RPS6KB1: variants seen among roughly 807,000 people sequenced by gnomAD.
RPS6KB1 encodes ribosomal protein S6 kinase B1, also known as ribosomal protein S6 kinase beta-1.
RPS6KB1 carries 12 observed loss-of-function variants against 70.2 expected under a neutral mutation model. That is an observed-to-expected ratio of 0.17 (90% CI 0.11 to 0.28). RPS6KB1 has a LOEUF of 0.28. Ranked by LOEUF, RPS6KB1 falls within the 10% of genes least tolerant of loss-of-function variation. The pLI, the probability that RPS6KB1 is intolerant of heterozygous loss-of-function variation, is 1.00. For synonymous variants in RPS6KB1, 175 were observed against 211.2 expected (o/e 0.83, Z 1.49); for missense variants, 270 against 646.6 (o/e 0.42, Z 6.32).
At chr17:59,916,406 ACTTT>A (rs1181823678) in intron 4 of RPS6KB1, among the ~76,000 whole-genome samples, 2 of 152,166 alleles carry the variant, frequency 1.3e-5, no homozygotes. Context: ...GGCAGTATTA[ACTTT>A]CTTTTATGCG....
In RPS6KB1 at chr17:59,946,127, C is replaced by T. The variant is rs1411095269; in HGVS notation, c.1341-424C>T. ...GGCAGAAGAACAGCAAATGCAAAAA[C>T]CCTGAGGGAGGAGAAAAGTTGCCCT... On this transcript the variant is annotated intron_variant, in intron 14 of 14. Transcript: ENST00000225577. The surrounding 1 kb of genome is among the most constrained non-coding windows in gnomAD (Gnocchi z 4.2). 1.3e-5 allele frequency among the ~76,000 whole-genome samples: 2 copies of T among 151,992 alleles called. No homozygotes were observed. Among genetic ancestry groups the T allele is most frequent in the Non-Finnish European group, 1.5e-5 (1 of 68,004 alleles).
chr17:59,893,352 G>A lies in RPS6KB1; in HGVS notation c.141+27G>A, dbSNP rs1420259854. Reference sequence around the variant, plus strand: ...TGAGGCCCGGGGTCCCCGGGGGCCCGAGGTGACAGGGCCGGGGCGGCGGCG... The same window carrying A: ...TGAGGCCCGGGGTCCCCGGGGGCCCAAGGTGACAGGGCCGGGGCGGCGGCG... On this transcript the variant is annotated intron_variant, in intron 1 of 14. Coordinates refer to ENST00000225577, the MANE Select transcript of RPS6KB1 (RefSeq NM_003161.4). This position sits in a 1 kb window ranked among gnomAD's most constrained non-coding sequence, Gnocchi z 4.1. 1.1e-5 allele frequency: 18 copies of A among 1,580,064 alleles called. No homozygotes were observed. Among genetic ancestry groups the A allele is most frequent in the Non-Finnish European group, 1.5e-5 (18 of 1,163,022 alleles).
intron 4 of RPS6KB1, among the ~76,000 whole-genome samples, chr17:59,915,985 A>G (rs575772025): frequency 1.3e-5 from 2 of 150,044 alleles, no homozygotes; most frequent in Admixed American, 6.6e-5. Flanking sequence ...GGGTTTCTCC[A>G]TGTTGGTTAG....
In RPS6KB1 at chr17:59,893,692, C is replaced by A; in HGVS notation, c.141+367C>A. On this transcript the variant is annotated intron_variant, in intron 1 of 14. Transcript: ENST00000225577. This position sits in a 1 kb window ranked among gnomAD's most constrained non-coding sequence, Gnocchi z 4.1. Reference sequence around the variant, plus strand: ...GCTCTTGCTGGGTGTCCCGTAAGTGCAGGCGAAGTGTGGAGGGTTTCCCTT... The same window carrying A: ...GCTCTTGCTGGGTGTCCCGTAAGTGAAGGCGAAGTGTGGAGGGTTTCCCTT... The A allele has an allele frequency of 1.2e-6, 1 of 802,804 alleles. No individual in the cohort carries two copies. Among genetic ancestry groups the A allele is most frequent in the Non-Finnish European group, 1.5e-6 (1 of 646,616 alleles). The allele number at this position is 802,804 out of a possible 1,614,324, so 49.7% of individuals were successfully genotyped here. A position where few individuals can be genotyped will look rare whatever the true frequency, so the allele number is the denominator to read the frequency against.
intron 5 of RPS6KB1, among the ~76,000 whole-genome samples, chr17:59,928,917 C>T (rs1328423801): frequency 6.6e-6 from 1 of 152,126 alleles, no homozygotes; most frequent in East Asian, 1.9e-4. Context: ...ATTGAAGTGA[C>T]ATTGTGTCCT....
In RPS6KB1 at chr17:59,893,189, G is replaced by A. The variant is rs769786318; in HGVS notation, c.5G>A (p.Arg2Lys). ...GGCTGCGGCGGGTCCGGGCCCATGA[G>A]GCGACGAAGGAGGCGGGACGGCTTT... M[R>K]RRRRRDGFYP... Residue 2 changes from arginine to lysine, a missense_variant, in exon 1 of 15, where the codon AGG becomes AAG. By Grantham distance (26) the Arg-to-Lys change is conservative. Around this residue, in one of 4 missense-constraint regions of RPS6KB1, gnomAD observed 72 missense variants for 93.4 expected, o/e 0.77. Transcript: ENST00000225577. The surrounding 1 kb of genome is among the most constrained non-coding windows in gnomAD (Gnocchi z 4.1). 6.3e-6 allele frequency: 10 copies of A among 1,595,120 alleles called. No homozygotes were observed. Among genetic ancestry groups the A allele is most frequent in the Non-Finnish European group, 8.5e-6 (10 of 1,171,780 alleles).
intron 4 of RPS6KB1, among the ~76,000 whole-genome samples, chr17:59,918,829 C>CTTT (rs35207575): frequency 2.1e-4 from 25 of 119,072 alleles, no homozygotes; most frequent in African/African-American, 3.4e-4. Flanking sequence ...ACTGATTATT[C>CTTT]TTTTTTTTTT....
intron 1 of RPS6KB1, among the ~76,000 whole-genome samples, chr17:59,901,241 C>T (rs1312140999): frequency 2.0e-5 from 3 of 151,246 alleles, no homozygotes; most frequent in African/African-American, 4.8e-5. Flanking sequence ...GCTCCGCCTC[C>T]CAGGTTCACG....
intron 5 of RPS6KB1, among the ~76,000 whole-genome samples, chr17:59,928,118 A>T (rs1171924415): frequency 6.6e-6 from 1 of 151,598 alleles, no homozygotes; most frequent in Non-Finnish European, 1.5e-5. Context: ...AGATCGCGCC[A>T]GTACACTGCA....
At chr17:59,906,302 C>G (rs1490994504) in intron 1 of RPS6KB1, among the ~76,000 whole-genome samples, 2 of 152,102 alleles carry the variant, frequency 1.3e-5, no homozygotes, top group African/African-American at 4.8e-5. Flanking sequence ...TGTCAGTCCT[C>G]CACCTTTGTT....
chr17:59,921,204 A>G (rs1044286363), intron 4 of RPS6KB1, among the ~76,000 whole-genome samples: 4 of 151,912 alleles, frequency 2.6e-5, no homozygotes, highest in Admixed American at 1.3e-4. Context: ...AATTACTGCT[A>G]AGTGTCAGGC....
chr17:59,922,593 G>A (rs1245020660), intron 4 of RPS6KB1, among the ~76,000 whole-genome samples: 1 of 126,616 alleles, frequency 7.9e-6, no homozygotes, highest in Non-Finnish European at 1.6e-5. Flanking sequence ...AAGTCAGGCT[G>A]GAGTGCAGTG....
intron 1 of RPS6KB1, among the ~76,000 whole-genome samples, chr17:59,900,803 C>T (rs1319334790): frequency 1.3e-5 from 2 of 152,024 alleles, no homozygotes; most frequent in Non-Finnish European, 2.9e-5. Context: ...TTTGTTTATA[C>T]AATTCAGTGA....
chr17:59,905,659 A>G (rs1451660208), intron 1 of RPS6KB1, among the ~76,000 whole-genome samples: 2 of 151,206 alleles, frequency 1.3e-5, no homozygotes, highest in Non-Finnish European at 2.9e-5. Flanking sequence ...CTCCCGCCAC[A>G]ATGCCCGGCT....
intron 14 of RPS6KB1, 143 bp downstream of exon 14, chr17:59,945,661 A>G: frequency 1.7e-6 from 1 of 599,984 alleles, no homozygotes. Context: ...TATATCTTAC[A>G]TTGCAAAGGA....
At chr17:59,932,486 T>C (rs1488539109) in intron 7 of RPS6KB1, among the ~76,000 whole-genome samples, 2 of 151,810 alleles carry the variant, frequency 1.3e-5, no homozygotes, top group African/African-American at 2.4e-5. Context: ...GGGAAAAGGA[T>C]TGAAATTGAA....
In RPS6KB1 at chr17:59,946,811, T is replaced by G. The variant is rs2044953290; in HGVS notation, c.*23T>G. 3 of 1,609,886 alleles carry G rather than the reference T, an allele frequency of 1.9e-6. No homozygotes were observed. The South Asian group carries it at 3.3e-5, about 18-fold the overall frequency. ...TGACAGAGCAATGCTTTTAATGAAT[T>G]TAAGGCAAAAAAGGTGGAGAGGGAG... On this transcript the variant is annotated 3_prime_UTR_variant, in exon 15 of 15. Transcript: ENST00000225577. This position sits in a 1 kb window ranked among gnomAD's most constrained non-coding sequence, Gnocchi z 4.2.
chr17:59,898,331 A>G (rs933202621), intron 1 of RPS6KB1, among the ~76,000 whole-genome samples: 1 of 152,198 alleles, frequency 6.6e-6, no homozygotes, highest in Non-Finnish European at 1.5e-5. Flanking sequence ...AAAATTTTTG[A>G]AAACCAAAGT....
At position 59,905,655 on chromosome 17, in the gene RPS6KB1, C is replaced by T. The variant is rs368288801; in HGVS notation, c.142-4907C>T. Among the ~76,000 whole-genome samples the T allele has an allele frequency of 4.2e-4, 64 of 151,812 alleles. 1 individual carries two copies. The highest frequency in any genetic ancestry group is 1.5e-3 in the African/African-American group (64 of 41,366). ...GAGTAGCTGGGATTACAGGCTCCCG[C>T]CACAATGCCCGGCTAATTTTTTATA... On this transcript the variant is annotated intron_variant, in intron 1 of 14. Transcript: ENST00000225577.
Sources: gnomAD v4.1 joint callset for allele counts (sites outside exome capture counted in the v4.1 genomes callset) on GRCh38, gnomAD v4.1.1 for gene constraint, gnomAD v4.1.1 regional missense constraint, Gnocchi (gnomAD v3.1) non-coding constraint, MANE v1.5 for transcripts, NCBI Gene and HGNC (gene_info 2026-07-23, HGNC 2026-07-21) for gene names.